The following CSNK1A1 variants were observed in gnomAD, a reference collection of about 807,000 sequenced individuals.
CSNK1A1 encodes the protein casein kinase 1 alpha 1.
Under a neutral mutation model 46.1 loss-of-function variants are expected in CSNK1A1, and 7 were observed. The observed-to-expected ratio is 0.15, with a 90% CI of 0.09 to 0.29. The LOEUF (loss-of-function observed/expected upper bound fraction) is 0.29. Among genes scored for constraint, CSNK1A1 ranks in the 10% least tolerant of loss-of-function variants. The pLI, the probability that CSNK1A1 is intolerant of heterozygous loss-of-function variation, is 1.00. For synonymous variants in CSNK1A1, 137 were observed against 141.5 expected (o/e 0.97, Z 0.23); for missense variants, 96 against 417.1 (o/e 0.23, Z 6.71).
At chr5:149,548,190 GT>G (rs1762538461) in intron 2 of CSNK1A1, among the ~76,000 whole-genome samples, 1 of 152,100 alleles carries the variant, frequency 6.6e-6, no homozygotes, top group African/African-American at 2.4e-5. Context: ...TTTAAGGACA[GT>G]TTTATTTGAG....
intron 2 of CSNK1A1, among the ~76,000 whole-genome samples, chr5:149,542,647 T>C (rs1471540934): frequency 7.3e-4 from 5 of 6,818 alleles, no homozygotes; most frequent in Admixed American, 5.3e-3. Flanking sequence ...TATGTATATA[T>C]ATATATATAT....
intron 2 of CSNK1A1, among the ~76,000 whole-genome samples, chr5:149,542,113 G>A (rs986785714): frequency 1.3e-5 from 2 of 151,876 alleles, no homozygotes; most frequent in Non-Finnish European, 2.9e-5. Flanking sequence ...CCCAAAGCTG[G>A]CATTACCGCC....
intron 2 of CSNK1A1, among the ~76,000 whole-genome samples, chr5:149,540,146 C>G (rs1018743660): frequency 2.6e-5 from 4 of 152,036 alleles, no homozygotes; most frequent in African/African-American, 9.7e-5. Context: ...ATTAAAAAAC[C>G]CTTAAGACCT....
At chr5:149,497,109 A>G in intron 9 of CSNK1A1, 1 of 1,245,506 alleles carries the variant, frequency 8.0e-7, no homozygotes, top group African/African-American at 1.5e-5. Flanking sequence ...CTCTCAGCAT[A>G]CTAAAATAAT....
At chr5:149,534,195 C>T (rs2113153086) in intron 2 of CSNK1A1, among the ~76,000 whole-genome samples, 1 of 152,086 alleles carries the variant, frequency 6.6e-6, no homozygotes, top group East Asian at 1.9e-4. Flanking sequence ...AAAAAGAAGG[C>T]TTCTGGCCAG....
intron 9 of CSNK1A1, chr5:149,500,881 T>C (rs1760834409): frequency 1.4e-6 from 1 of 720,598 alleles, no homozygotes. Flanking sequence ...TTGGGAAAGA[T>C]AAATGACAAT....
At chr5:149,536,473 T>C (rs1485438238) in intron 2 of CSNK1A1, among the ~76,000 whole-genome samples, 1 of 152,106 alleles carries the variant, frequency 6.6e-6, no homozygotes, top group African/African-American at 2.4e-5. Context: ...AAAGGCAAAA[T>C]TAAATTATCT....
At position 149,550,148 on chromosome 5, in the gene CSNK1A1, T is replaced by G. The variant is rs775636717; in HGVS notation, c.157A>C (p.Arg53=). 1.9e-5 allele frequency: 30 copies of G among 1,613,838 alleles called. 1 individual carries two copies. The South Asian group carries it at 3.3e-4, about 18-fold the overall frequency. ...CTCTCGTACAGCAACTGGGGATGCC[T>G]GGCCTTCTGAGATTCTAGCTTCACT... ...VAVKLESQKA[R]HPQLLYESKL... is the part of the protein sequence containing the mutation. Residue 53 remains arginine (R), a synonymous_variant, in exon 2 of 10, where the codon AGG becomes CGG. Coordinates refer to ENST00000377843, the MANE Select transcript of CSNK1A1 (RefSeq NM_001892.6). The surrounding 1 kb of genome is among the most constrained non-coding windows in gnomAD (Gnocchi z 4.3).
At chr5:149,537,648 AC>A (rs1363400679) in intron 2 of CSNK1A1, among the ~76,000 whole-genome samples, 1 of 151,700 alleles carries the variant, frequency 6.6e-6, no homozygotes, top group East Asian at 1.9e-4. Flanking sequence ...AATTGGTCAA[AC>A]AAAAATCTGA....
At chr5:149,531,526 AAAG>A (rs1172529233) in intron 2 of CSNK1A1, among the ~76,000 whole-genome samples, 20 of 69,982 alleles carry the variant, frequency 2.9e-4, no homozygotes, top group African/African-American at 5.8e-4. Flanking sequence ...CTCAAAAAAA[AAAG>A]AAAGAAAGAA....
intron 4 of CSNK1A1, among the ~76,000 whole-genome samples, chr5:149,515,166 T>C (rs1274135868): frequency 1.3e-5 from 2 of 152,204 alleles, no homozygotes; most frequent in Admixed American, 6.5e-5. Context: ...CTAAGAAATA[T>C]GTAGACATTG....
intron 2 of CSNK1A1, among the ~76,000 whole-genome samples, chr5:149,538,358 T>C (rs1762128465): frequency 6.6e-6 from 1 of 152,234 alleles, no homozygotes; most frequent in East Asian, 1.9e-4. Context: ...ACAGGGTAGG[T>C]ACCCTCAGGT....
intron 2 of CSNK1A1, among the ~76,000 whole-genome samples, chr5:149,536,299 T>C (rs996752591): frequency 2.6e-5 from 4 of 152,290 alleles, no homozygotes; most frequent in Admixed American, 2.0e-4. Context: ...AGTTAGCACT[T>C]GTATTACAGA....
chr5:149,502,119 T>G (rs1472861606), intron 9 of CSNK1A1: 2 of 978,138 alleles, frequency 2.0e-6, no homozygotes, highest in African/African-American at 1.8e-5. Flanking sequence ...TAAAGAATCT[T>G]TAAACATTCT....
At chr5:149,547,915 G>A (rs2113207035) in intron 2 of CSNK1A1, among the ~76,000 whole-genome samples, 1 of 151,792 alleles carries the variant, frequency 6.6e-6, no homozygotes. Context: ...TCTGTCACCA[G>A]GCTGGAGTGC....
At chr5:149,528,294 T>TAA (rs1271010465) in intron 2 of CSNK1A1, among the ~76,000 whole-genome samples, 1 of 152,180 alleles carries the variant, frequency 6.6e-6, no homozygotes, top group African/African-American at 2.4e-5. Context: ...TCAAAGGCAT[T>TAA]TTACCTTGTG....
Position 149,513,189 on chromosome 5 carries a change from A to C in CSNK1A1, c.477T>G (p.Gly159=). The change falls in exon 5 of 10, where the codon GGT becomes GGG. Residue 159 remains glycine, a synonymous_variant. Transcript: ENST00000377843. ...TGTTGTCTCTGTACTTTTTGGCCAA[A>C]CCAAAATCAATAAGGAATAACTTTA... ...HCNKLFLIDF[G]LAKKYRDNRT... 1 of 1,613,682 alleles carries C rather than the reference A, an allele frequency of 6.2e-7. No homozygotes were observed. The highest frequency in any genetic ancestry group is 8.5e-7 in the Non-Finnish European group (1 of 1,179,870).
At chr5:149,520,428 T>C in intron 3 of CSNK1A1, 40 bp from the exon 4 acceptor site, 1 of 1,141,372 alleles carries the variant, frequency 8.8e-7, no homozygotes, top group Non-Finnish European at 1.3e-6. Flanking sequence ...AGTTAAGTAG[T>C]AAATGAAAAT....
chr5:149,551,318 C>T lies in CSNK1A1; in HGVS notation c.-354G>A. Reference sequence around the variant, plus strand: ...ATACCGCTGCCACCACTGCCGCCGGCTCCGGCCCAGAGGGACCCCTGTCAC... The same window carrying T: ...ATACCGCTGCCACCACTGCCGCCGGTTCCGGCCCAGAGGGACCCCTGTCAC... On this transcript the variant is annotated 5_prime_UTR_variant, in exon 1 of 10. Transcript: ENST00000377843. 4.1e-6 allele frequency: 1 copy of T among 243,580 alleles called. No homozygotes were observed. The highest frequency in any genetic ancestry group is 8.2e-6 in the Non-Finnish European group (1 of 122,026). 15.1% of individuals were successfully genotyped at this position (243,580 alleles called of 1,614,324 possible).
Sources: allele counts gnomAD v4.1 joint callset (sites outside exome capture counted in the v4.1 genomes callset), GRCh38; gene constraint gnomAD v4.1.1; non-coding constraint Gnocchi (gnomAD v3.1); transcripts MANE v1.5; gene names NCBI Gene and HGNC (gene_info 2026-07-23, HGNC 2026-07-21).